ZMYM2: variants seen among roughly 807,000 people sequenced by gnomAD.
ZMYM2 encodes the protein zinc finger MYM-type protein 2.
Under a neutral mutation model 162.8 loss-of-function variants are expected in ZMYM2, and 56 were observed. That is an observed-to-expected ratio of 0.34 (90% confidence interval 0.28 to 0.43). ZMYM2 has a LOEUF of 0.43. ZMYM2 is among the 20% of genes least tolerant of loss of function. The pLI is 1.00. For missense variants in ZMYM2, 1,275 were observed against 1,621.8 expected, an observed-to-expected ratio of 0.79 and a Z score of 3.67; for synonymous variants, 510 against 541.6, an observed-to-expected ratio of 0.94 and a Z score of 0.81.
At chr13:20,066,160 T>C (rs989082027) in intron 19 of ZMYM2, among the ~76,000 whole-genome samples, 2 of 152,238 alleles carry the variant, frequency 1.3e-5, no homozygotes, top group Non-Finnish European at 2.9e-5. Context: ...TATTTCATTT[T>C]TTCTTTTCTA....
At chr13:20,083,552 A>G (rs1367024085) in intron 23 of ZMYM2, 104 bp from the exon 24 acceptor site, 7 of 883,480 alleles carry the variant, frequency 7.9e-6, no homozygotes, top group Admixed American at 3.2e-5. Flanking sequence ...TAAAACTCCA[A>G]GGGGCACCTG....
At chr13:20,001,409 A>T (rs1247541419) in intron 3 of ZMYM2, among the ~76,000 whole-genome samples, 1 of 151,802 alleles carries the variant, frequency 6.6e-6, no homozygotes, top group Non-Finnish European at 1.5e-5. Flanking sequence ...AAAAAAAAAA[A>T]AAAGTAGAGC....
chr13:20,060,970 A>G, intron 16 of ZMYM2, 83 bp from the exon 17 acceptor site: 6 of 1,317,886 alleles, frequency 4.6e-6, no homozygotes, highest in Non-Finnish European at 6.3e-6. Flanking sequence ...TACAAAGTAG[A>G]TCATGTGTCA....
intron 2 of ZMYM2, among the ~76,000 whole-genome samples, 151 bp from the exon 3 acceptor site, chr13:19,992,912 T>C (rs1450192071): frequency 6.6e-6 from 1 of 152,178 alleles, no homozygotes; most frequent in Non-Finnish European, 1.5e-5. Flanking sequence ...GATTAATGAA[T>C]GGATATCACA....
At chr13:20,060,914 T>G in intron 16 of ZMYM2, 139 bp from the exon 17 acceptor site, 1 of 781,598 alleles carries the variant, frequency 1.3e-6, no homozygotes. Context: ...AGTTAACATC[T>G]TAGTTTTGTA....
chr13:20,002,612 C>CT (rs967269910), intron 3 of ZMYM2, among the ~76,000 whole-genome samples: 1 of 152,062 alleles, frequency 6.6e-6, no homozygotes, highest in Admixed American at 6.6e-5. Flanking sequence ...CCGACATACC[C>CT]TTTTTTTGTG....
intron 2 of ZMYM2, among the ~76,000 whole-genome samples, chr13:19,987,572 CGTGTGTGT>C (rs36128018): frequency 3.8e-5 from 5 of 133,330 alleles, no homozygotes; most frequent in Middle Eastern, 8.8e-3. Flanking sequence ...CGCCCCGCTA[CGTGTGTGT>C]GTGTGTGTGT....
the ZMYM2 span, among the ~76,000 whole-genome samples, chr13:19,882,294 C>A: frequency 6.6e-6 from 1 of 152,022 alleles, no homozygotes; most frequent in Non-Finnish European, 1.5e-5. Context: ...AGTTTAGTAT[C>A]CAGAATGTAT....
At chr13:20,051,802 C>T (rs923698646) in intron 13 of ZMYM2, among the ~76,000 whole-genome samples, 1 of 152,052 alleles carries the variant, frequency 6.6e-6, no homozygotes, top group Non-Finnish European at 1.5e-5. Flanking sequence ...TTTGAAATTT[C>T]ATGCTAATTG....
the ZMYM2 span, among the ~76,000 whole-genome samples, chr13:19,866,815 G>A: frequency 1.3e-5 from 2 of 151,934 alleles, no homozygotes; most frequent in African/African-American, 4.8e-5. Context: ...GATCACTTGA[G>A]CCCAGGAGGT....
chr13:20,064,855 C>G (rs184334855), intron 19 of ZMYM2, among the ~76,000 whole-genome samples: 578 of 150,604 alleles, frequency 3.8e-3, no homozygotes, highest in Non-Finnish European at 7.1e-3. Context: ...TTAGTTGATA[C>G]CTCAACTAAA....
chr13:20,084,687 A>G (rs1026355919), intron 24 of ZMYM2, among the ~76,000 whole-genome samples: 1 of 152,232 alleles, frequency 6.6e-6, no homozygotes, highest in Admixed American at 6.5e-5. Flanking sequence ...TCAGACCAAC[A>G]GGCATTTTAA....
At chr13:19,966,917 G>T (rs1220480675) in intron 2 of ZMYM2, among the ~76,000 whole-genome samples, 16 of 152,132 alleles carry the variant, frequency 1.1e-4, no homozygotes, top group Admixed American at 1.0e-3. Context: ...CCAAATAAGT[G>T]TTAACTCCTG....
intron 2 of ZMYM2, among the ~76,000 whole-genome samples, chr13:19,960,814 T>C (rs978885878): frequency 2.0e-5 from 3 of 152,234 alleles, no homozygotes; most frequent in African/African-American, 7.2e-5. Context: ...GTCAGCACTC[T>C]GGACACATTA....
At chr13:19,912,255 T>A in the ZMYM2 span, among the ~76,000 whole-genome samples, 1 of 150,262 alleles carries the variant, frequency 6.7e-6, no homozygotes, top group Non-Finnish European at 1.5e-5. Flanking sequence ...AACCCTCCAG[T>A]CCTATGTTAT....
chr13:20,018,291 C>A (rs1951785794), intron 6 of ZMYM2, among the ~76,000 whole-genome samples: 5 of 152,074 alleles, frequency 3.3e-5, no homozygotes, highest in Admixed American at 2.6e-4. Flanking sequence ...AAATTACTTG[C>A]ATGTTTTGTA....
chr13:20,067,271 T>A lies in ZMYM2; in HGVS notation c.3334T>A (p.Ser1112Thr). 6.3e-7 allele frequency: 1 copy of A among 1,577,368 alleles called. No homozygotes were observed. Among genetic ancestry groups the A allele is most frequent in the Non-Finnish European group, 8.6e-7 (1 of 1,160,312 alleles). ...AGTAAAGTTAAAAGAGGATCTACTCTCTCACACCACAGCTGAGCTTAACTA... is the reference window on the plus strand; with the variant it reads ...AGTAAAGTTAAAAGAGGATCTACTCACTCACACCACAGCTGAGCTTAACTA... ...KSVKLKEDLL[S>T]HTTAELNYGL... Residue 1112 changes from serine (S) to threonine (T), a missense_variant, in exon 21 of 25, where the codon TCT becomes ACT. By Grantham distance (58) the Ser-to-Thr change is moderately conservative (BLOSUM62 1). Coordinates refer to ENST00000610343, the MANE Select transcript of ZMYM2 (RefSeq NM_197968.4).
At chr13:20,032,470 A>G (rs1953256571) in intron 10 of ZMYM2, among the ~76,000 whole-genome samples, 1 of 151,972 alleles carries the variant, frequency 6.6e-6, no homozygotes, top group Admixed American at 6.6e-5. Flanking sequence ...GGTATACAAG[A>G]TTTAGAAGAT....
intron 2 of ZMYM2, among the ~76,000 whole-genome samples, chr13:19,974,524 G>A (rs773363200): frequency 2.7e-5 from 4 of 150,612 alleles, no homozygotes; most frequent in Non-Finnish European, 4.4e-5. Context: ...TGCCCAGGCT[G>A]GAGTGCAGTG....
Sources: allele counts gnomAD v4.1 joint callset (sites outside exome capture counted in the v4.1 genomes callset), GRCh38; gene constraint gnomAD v4.1.1; transcripts MANE v1.5; gene names NCBI Gene and HGNC (gene_info 2026-07-23, HGNC 2026-07-21).